KLKB1: variants seen among roughly 807,000 people sequenced by gnomAD.
The protein encoded by KLKB1 is plasma kallikrein.
Under a neutral mutation model 73.6 loss-of-function variants are expected in KLKB1, and 58 were observed. The observed-to-expected ratio is 0.79, with a 90% CI of 0.64 to 0.98. The LOEUF (loss-of-function observed/expected upper bound fraction) is 0.98. Ranked by LOEUF, KLKB1 falls within the 50% of genes least tolerant of loss-of-function variation. The pLI is 0.00. For synonymous variants in KLKB1, 280 were observed against 258.1 expected (o/e 1.08, Z -0.81); for missense variants, 737 against 763.8 (o/e 0.96, Z 0.41).
At chr4:186,239,961 TGTTAGA>T (rs1033273702) in intron 6 of KLKB1, among the ~76,000 whole-genome samples, 5 of 149,448 alleles carry the variant, frequency 3.3e-5, no homozygotes, top group African/African-American at 1.2e-4. Flanking sequence ...ACAGTGATAC[TGTTAGA>T]GTTATAGGTA....
intron 6 of KLKB1, among the ~76,000 whole-genome samples, chr4:186,247,771 C>T (rs970498504): frequency 2.6e-4 from 40 of 152,112 alleles, no homozygotes; most frequent in Non-Finnish European, 4.4e-5. Flanking sequence ...CTTCTACAAG[C>T]TTGGTATTTA....
Position 186,254,498 on chromosome 4 carries a change from C to T in KLKB1, c.1314-90C>T, listed in dbSNP as rs150796691. The T allele has an allele frequency of 2.9e-4, 322 of 1,102,330 alleles. No homozygotes were observed. In the African/African-American group the frequency reaches 4.5e-3, roughly 15 times the overall value. The allele number at this position is 1,102,330 out of a possible 1,614,324, so 68.3% of individuals were successfully genotyped here. ...AAATGTGTCCTATGTATTTCCTTCC[C>T]AGTTCTTTGAAAGAGAGTGATAGGA... On this transcript the variant is annotated intron_variant, in intron 11 of 14. Transcript: ENST00000264690.
chr4:186,246,850 A>G (rs1457621909), intron 6 of KLKB1, among the ~76,000 whole-genome samples: 1 of 152,238 alleles, frequency 6.6e-6, no homozygotes, highest in African/African-American at 2.4e-5. Context: ...GTGTCCCTGC[A>G]GTGATTAAAC....
At chr4:186,257,487 AAATT>A in intron 14 of KLKB1, 122 bp downstream of exon 14, 1 of 738,628 alleles carries the variant, frequency 1.4e-6, no homozygotes, top group Non-Finnish European at 2.0e-6. Context: ...ATGATCTGAT[AAATT>A]GATAAGCAAC....
At chr4:186,225,626 G>A (rs371487239), upstream of KLKB1, among the ~76,000 whole-genome samples, 12 of 151,690 alleles carry the variant, frequency 7.9e-5, no homozygotes, top group African/African-American at 2.7e-4. Flanking sequence ...AGTAGAGATG[G>A]GGTTTCACTG....
intron 5 of KLKB1, 126 bp downstream of exon 5, chr4:186,237,066 T>A (rs1737732346): frequency 1.3e-6 from 1 of 780,566 alleles, no homozygotes; most frequent in African/African-American, 1.8e-5. Flanking sequence ...ACTTTCCTCA[T>A]TTACTTACTC....
intron 4 of KLKB1, among the ~76,000 whole-genome samples, chr4:186,235,691 A>G (rs1561452169): frequency 2.6e-5 from 4 of 152,198 alleles, no homozygotes; most frequent in Non-Finnish European, 4.4e-5. Context: ...TAGGAGTGGA[A>G]AGGTATCTGT....
chr4:186,250,552 T>C (rs1046211232), intron 7 of KLKB1, 150 bp downstream of exon 7: 1 of 838,740 alleles, frequency 1.2e-6, no homozygotes, highest in African/African-American at 1.7e-5. Context: ...TAGGTACTGT[T>C]CTGCCAGGTG....
chr4:186,246,234 G>A (rs1330753505), intron 6 of KLKB1, among the ~76,000 whole-genome samples: 1 of 151,972 alleles, frequency 6.6e-6, no homozygotes, highest in East Asian at 1.9e-4. Flanking sequence ...GCCTGGGGAG[G>A]AGGGGAGAGG....
Position 186,257,349 on chromosome 4 carries a change from GA to G in KLKB1, c.1713del (p.Asp572MetfsTer11). The stretch of plus-strand genomic sequence containing the variant: ...GTCTGTGCTGGCTATAAAGAAGGGG[GA>G]AAAGATGCTTGTAAGGTAACTCATG... ...RMVCAGYKEGGKDACKGDSGG... is the reference protein window; with the variant it reads ...RMVCAGYKEGXKDACKGDSGG... On this transcript the variant is annotated frameshift_variant, in exon 14 of 15. Transcript: ENST00000264690. LOFTEE classifies it low-confidence loss of function (END_TRUNC). 1.9e-6 allele frequency: 3 copies of G among 1,589,496 alleles called. No homozygotes were observed. Among genetic ancestry groups the G allele is most frequent in the East Asian group, 2.3e-5 (1 of 43,870 alleles).
At chr4:186,227,936 A>G (rs1313035766) in intron 1 of KLKB1, among the ~76,000 whole-genome samples, 2 of 152,136 alleles carry the variant, frequency 1.3e-5, no homozygotes, top group Non-Finnish European at 2.9e-5. Flanking sequence ...TTCCAACATT[A>G]CTAGCCACAG....
At chr4:186,240,313 A>ACAGTGATACTGTTACAGTTATAGGT (rs1334251958) in intron 6 of KLKB1, among the ~76,000 whole-genome samples, 1 of 151,980 alleles carries the variant, frequency 6.6e-6, no homozygotes, top group Non-Finnish European at 1.5e-5. Context: ...TAGTTATAGG[A>ACAGTGATACTGTTACAGTTATAGGT]CAGTGATATT....
intron 2 of KLKB1, among the ~76,000 whole-genome samples, chr4:186,214,692 C>G (rs1042095885): frequency 1.3e-5 from 2 of 152,184 alleles, no homozygotes; most frequent in Non-Finnish European, 2.9e-5. Context: ...TTTTTCTCCT[C>G]TAATTAAACC....
At chr4:186,228,942 T>C (rs1365855943) in intron 2 of KLKB1, 1 of 152,180 alleles carries the variant, frequency 6.6e-6, no homozygotes, top group Non-Finnish European at 1.5e-5. Context: ...CACACAACAA[T>C]GAGTATTTAA....
intron 11 of KLKB1, among the ~76,000 whole-genome samples, chr4:186,253,717 A>G (rs1738831453): frequency 6.6e-6 from 1 of 152,176 alleles, no homozygotes; most frequent in African/African-American, 2.4e-5. Context: ...TTTGCACAGA[A>G]TAAGGCTTTG....
intron 12 of KLKB1, 55 bp downstream of exon 12, chr4:186,254,818 A>T: frequency 2.0e-6 from 3 of 1,484,030 alleles, no homozygotes; most frequent in Non-Finnish European, 2.8e-6. Flanking sequence ...TGATATTTTC[A>T]TATCAGTTTG....
Position 186,227,592 on chromosome 4 carries a change from C to A in KLKB1, c.-2+5C>A. 6.6e-6 allele frequency: 1 copy of A among 152,324 alleles called. No individual in the cohort carries two copies. Among genetic ancestry groups the A allele is most frequent in the Non-Finnish European group, 1.5e-5 (1 of 68,090 alleles). The allele number at this position is 152,324 out of a possible 1,614,324, so 9.4% of individuals were successfully genotyped here. ...AAGAAGCAATTGTGTTTTCAGGTAG[C>A]AAATTTTTATTATTCTGATTGTTTC... is the stretch of plus-strand genomic sequence containing the variant. On this transcript the variant is annotated splice_donor_5th_base_variant and intron_variant, in intron 1 of 14. Transcript: ENST00000264690.
upstream of KLKB1, among the ~76,000 whole-genome samples, chr4:186,224,756 G>A (rs779667455): frequency 6.6e-6 from 1 of 152,134 alleles, no homozygotes; most frequent in Non-Finnish European, 1.5e-5. Context: ...AGACTTTGGG[G>A]GACTGTTGGA....
At chr4:186,225,094 C>T (rs983080214), upstream of KLKB1, among the ~76,000 whole-genome samples, 3 of 152,164 alleles carry the variant, frequency 2.0e-5, no homozygotes, top group Non-Finnish European at 4.4e-5. Context: ...CCTCCCCAGC[C>T]ATGGGTAACT....
Sources: gnomAD v4.1 joint callset for allele counts (sites outside exome capture counted in the v4.1 genomes callset) on GRCh38, gnomAD v4.1.1 for gene constraint, MANE v1.5 for transcripts, NCBI Gene and HGNC (gene_info 2026-07-23, HGNC 2026-07-21) for gene names.